The following FBXW8 variants were observed in gnomAD, a reference collection of about 807,000 sequenced individuals.
FBXW8 encodes the protein F-box/WD repeat-containing protein 8.
FBXW8 carries 57 observed loss-of-function variants against 65.3 expected under a neutral mutation model. The ratio of observed to expected loss-of-function variants is 0.87; its 90% CI spans 0.71 to 1.09. The LOEUF (loss-of-function observed/expected upper bound fraction) is 1.09. Ranked by LOEUF, FBXW8 falls within the 50% of genes least tolerant of loss-of-function variation. The pLI is 0.00. For synonymous variants in FBXW8, 308 were observed against 330.2 expected (o/e 0.93, Z 0.73); for missense variants, 777 against 814.8 (o/e 0.95, Z 0.57).
At position 116,988,518 on chromosome 12, in the gene FBXW8, TGTGTTTCATTTCCTGTGA is replaced by T; in HGVS notation, c.1033-133_1033-116del. 4 of 717,806 alleles carry T rather than the reference TGTGTTTCATTTCCTGTGA, an allele frequency of 5.6e-6. No homozygotes were observed. The South Asian group carries it at 6.7e-5, about 12-fold the overall frequency. The allele number at this position is 717,806 out of a possible 1,614,324, so 44.5% of individuals were successfully genotyped here. A position where few individuals can be genotyped will look rare whatever the true frequency, so the allele number is the denominator to read the frequency against. On this transcript the variant is annotated intron_variant, in intron 6 of 10. Transcript: ENST00000652555. ...TCTTTTCTGTTGTGTAAGAGCTGTTTGTGTTTCATTTCCTGTGAGTGTTTCATTTGCCCATCTTTTTCT... is the reference window on the plus strand; with the variant it reads ...TCTTTTCTGTTGTGTAAGAGCTGTTTGTGTTTCATTTGCCCATCTTTTTCT...
chr12:117,026,167 C>T lies in FBXW8; in HGVS notation c.1542-1227C>T, dbSNP rs575866226. On this transcript the variant is annotated intron_variant, in intron 9 of 10. Transcript: ENST00000652555. ...TCTCTTCAGCCCAGGTCCTCGCCTG[C>T]CTGACAGGGTGCCGTCAGTCCTCCA... Among the ~76,000 whole-genome samples the T allele has an allele frequency of 1.5e-4, 23 of 152,374 alleles. 1 individual carries two copies. In the South Asian group the frequency reaches 4.6e-3, roughly 30 times the overall value.
At chr12:116,927,752 G>T (rs1881439962) in intron 1 of FBXW8, among the ~76,000 whole-genome samples, 1 of 152,146 alleles carries the variant, frequency 6.6e-6, no homozygotes, top group African/African-American at 2.4e-5. Flanking sequence ...CTGCTGCTTT[G>T]TGAAGCACCA....
intron 8 of FBXW8, among the ~76,000 whole-genome samples, chr12:117,020,209 C>T (rs1287236545): frequency 6.6e-6 from 1 of 152,226 alleles, no homozygotes; most frequent in Non-Finnish European, 1.5e-5. Context: ...TACGTCATTC[C>T]AGTTCATGAC....
chr12:116,984,971 A>C (rs550033994), intron 5 of FBXW8, among the ~76,000 whole-genome samples: 1 of 152,316 alleles, frequency 6.6e-6, no homozygotes, highest in African/African-American at 2.4e-5. Context: ...GCCTGGGCGA[A>C]GAGTGAGGCA....
chr12:117,026,283 T>TGGGTGTCCCAA (rs1565948532), intron 9 of FBXW8, among the ~76,000 whole-genome samples: 13 of 147,564 alleles, frequency 8.8e-5, no homozygotes, highest in Admixed American at 1.3e-4. Flanking sequence ...TTTCCTTCAG[T>TGGGTGTCCCAA]CCTCCAGGCT....
At chr12:116,946,251 T>C (rs1476953639) in intron 3 of FBXW8, among the ~76,000 whole-genome samples, 1 of 152,198 alleles carries the variant, frequency 6.6e-6, no homozygotes, top group African/African-American at 2.4e-5. Flanking sequence ...TTAACAAGCT[T>C]TTGTGCATTA....
rs1029912950 is a variant in FBXW8, at chr12:117,025,054, G to C, written c.1541+734G>C. 1.2e-4 allele frequency among the ~76,000 whole-genome samples: 19 copies of C among 152,170 alleles called. 1 individual carries two copies. The highest frequency in any genetic ancestry group is 3.4e-4 in the African/African-American group (14 of 41,446). On this transcript the variant is annotated intron_variant, in intron 9 of 10. Transcript: ENST00000652555. ...CAAAGCAGCAGCCCAGCCCAGGGCT[G>C]GCTCATCAGAGCTGACTTGAGCCCA...
intron 8 of FBXW8, among the ~76,000 whole-genome samples, chr12:117,020,447 T>TC (rs1329311575): frequency 6.6e-6 from 1 of 152,200 alleles, no homozygotes; most frequent in African/African-American, 2.4e-5. Context: ...ACTCTGTTTT[T>TC]CTCCTTCCGG....
At chr12:116,948,955 G>A (rs902768146) in intron 3 of FBXW8, 4 of 152,248 alleles carry the variant, frequency 2.6e-5, no homozygotes, top group African/African-American at 9.7e-5. Context: ...GGGTCTCCCT[G>A]TGTTGCACAG....
intron 7 of FBXW8, among the ~76,000 whole-genome samples, chr12:116,998,162 C>G (rs1953425932): frequency 6.6e-6 from 1 of 152,144 alleles, no homozygotes; most frequent in Non-Finnish European, 1.5e-5. Flanking sequence ...TAGAATGGGA[C>G]AGGTCAATTT....
At chr12:116,932,483 A>G (rs1032674091) in intron 2 of FBXW8, among the ~76,000 whole-genome samples, 4 of 152,298 alleles carry the variant, frequency 2.6e-5, no homozygotes, top group Admixed American at 1.3e-4. Flanking sequence ...TGCTACCTCC[A>G]TGGCAGTTCA....
chr12:117,010,506 GC>G, intron 8 of FBXW8, 56 bp downstream of exon 8: 1 of 1,611,288 alleles, frequency 6.2e-7, no homozygotes, highest in Non-Finnish European at 8.5e-7. Flanking sequence ...CCAAGGCCCG[GC>G]CCCCACTGCG....
chr12:116,932,298 G>T (rs868417208), intron 2 of FBXW8, among the ~76,000 whole-genome samples: 2 of 152,116 alleles, frequency 1.3e-5, no homozygotes, highest in Non-Finnish European at 2.9e-5. Flanking sequence ...TTTCATCCCT[G>T]GATTCTATAC....
intron 1 of FBXW8, among the ~76,000 whole-genome samples, chr12:116,922,714 G>T (rs936201085): frequency 1.5e-4 from 23 of 152,092 alleles, no homozygotes; most frequent in Admixed American, 4.6e-4. Flanking sequence ...ATTTCTCTCA[G>T]TGTTTTTGGA....
rs773598560 is a variant in FBXW8, at chr12:117,027,478, C to T, written c.1626C>T (p.Asp542=). ...VPYQTVMRNA[D]LDSFTTHRRH... is the part of the protein sequence containing the mutation. The stretch of plus-strand genomic sequence containing the variant: ...ACCAGACGGTAATGCGAAACGCCGA[C>T]CTGGACAGCTTCACTACTCACAGGA... The change falls in exon 10 of 11, where the codon GAC becomes GAT. Residue 542 remains aspartate, a synonymous_variant. Transcript: ENST00000652555. The T allele has an allele frequency of 6.2e-7, 1 of 1,614,178 alleles. No individual in the cohort carries two copies. Among genetic ancestry groups the T allele is most frequent in the Non-Finnish European group, 8.5e-7 (1 of 1,180,012 alleles).
chr12:116,943,385 G>C (rs551254118), intron 2 of FBXW8, among the ~76,000 whole-genome samples: 1 of 152,140 alleles, frequency 6.6e-6, no homozygotes, highest in African/African-American at 2.4e-5. Context: ...TTTTGTTGTT[G>C]CTGCTGTTTG....
chr12:116,985,724 G>A (rs914152083), intron 6 of FBXW8: 9 of 224,982 alleles, frequency 4.0e-5, no homozygotes, highest in Non-Finnish European at 7.9e-5. Flanking sequence ...CTAACACGGT[G>A]GAATCTCACC....
intron 5 of FBXW8, among the ~76,000 whole-genome samples, chr12:116,967,898 C>G (rs1196597771): frequency 6.6e-6 from 1 of 152,124 alleles, no homozygotes; most frequent in Non-Finnish European, 1.5e-5. Flanking sequence ...TCCTGAGTAG[C>G]TGGGATTACA....
chr12:116,997,668 G>A (rs138014698), intron 7 of FBXW8, among the ~76,000 whole-genome samples: 3 of 152,282 alleles, frequency 2.0e-5, no homozygotes, highest in South Asian at 4.1e-4. Flanking sequence ...GGGTTCCATC[G>A]GCTGGAAGCA....
Sources: gnomAD v4.1 joint callset for allele counts (sites outside exome capture counted in the v4.1 genomes callset) on GRCh38, gnomAD v4.1.1 for gene constraint, MANE v1.5 for transcripts, NCBI Gene and HGNC (gene_info 2026-07-23, HGNC 2026-07-21) for gene names.